Variants in NCAM2 observed in about 807,000 individuals in gnomAD.
The protein encoded by NCAM2 is N-CAM-2.
NCAM2 carries 30 observed loss-of-function variants against 98.1 expected under a neutral mutation model. The ratio of observed to expected loss-of-function variants is 0.31; its 90% CI spans 0.23 to 0.41. The LOEUF is 0.41. NCAM2 is among the 10% of genes least tolerant of loss of function. The probability of loss-of-function intolerance (pLI) is 1.00; values close to 1 mark genes in which losing one functional copy is unlikely to be tolerated. For missense variants in NCAM2, 867 were observed against 1,005.8 expected (o/e 0.86, Z 1.87); for synonymous variants, 368 against 342.4 (o/e 1.07, Z -0.83).
intron 12 of NCAM2, among the ~76,000 whole-genome samples, chr21:21,435,778 A>G (rs1978308892): frequency 6.6e-6 from 1 of 152,086 alleles, no homozygotes; most frequent in East Asian, 1.9e-4. Flanking sequence ...GTGTAATGGG[A>G]TTTATTTATT....
At chr21:21,473,161 G>A (rs1984675399) in intron 14 of NCAM2, among the ~76,000 whole-genome samples, 1 of 151,098 alleles carries the variant, frequency 6.6e-6, no homozygotes, top group Non-Finnish European at 1.5e-5. Flanking sequence ...AGACTTTTGT[G>A]CCTCTACCCA....
chr21:21,360,892 A>C (rs889646341), intron 8 of NCAM2, among the ~76,000 whole-genome samples: 7 of 152,086 alleles, frequency 4.6e-5, no homozygotes, highest in African/African-American at 1.7e-4. Context: ...TTCTTGGTTC[A>C]TTTTCTTGAC....
chr21:21,167,994 A>G (rs978265129), intron 1 of NCAM2, among the ~76,000 whole-genome samples: 8 of 152,116 alleles, frequency 5.3e-5, no homozygotes, highest in African/African-American at 1.9e-4. Context: ...TTACATGAAG[A>G]TATTATAAGA....
intron 1 of NCAM2, among the ~76,000 whole-genome samples, chr21:21,198,818 A>G (rs2069104386): frequency 6.6e-6 from 1 of 152,172 alleles, no homozygotes; most frequent in South Asian, 2.1e-4. Flanking sequence ...AGATTTCTGA[A>G]TGAATATAAA....
intron 1 of NCAM2, among the ~76,000 whole-genome samples, chr21:21,079,842 T>C (rs2065755213): frequency 6.6e-6 from 1 of 152,224 alleles, no homozygotes; most frequent in African/African-American, 2.4e-5. Flanking sequence ...CTGTCACATT[T>C]TTCAAATACT....
At chr21:21,051,394 A>G (rs1485220639) in intron 1 of NCAM2, among the ~76,000 whole-genome samples, 2 of 152,188 alleles carry the variant, frequency 1.3e-5, no homozygotes, top group Admixed American at 1.3e-4. Context: ...TTCAAGCTAA[A>G]CCAGCTCAGT....
At chr21:21,049,797 G>A (rs1267070568) in intron 1 of NCAM2, among the ~76,000 whole-genome samples, 1 of 151,988 alleles carries the variant, frequency 6.6e-6, no homozygotes, top group Non-Finnish European at 1.5e-5. Context: ...CTTGAACCTG[G>A]GAGGCGGAGG....
At chr21:21,204,238 T>A (rs2069349134) in intron 1 of NCAM2, among the ~76,000 whole-genome samples, 1 of 152,154 alleles carries the variant, frequency 6.6e-6, no homozygotes, top group Non-Finnish European at 1.5e-5. Flanking sequence ...CTACTGCTGC[T>A]GCCATCTTGG....
intron 1 of NCAM2, among the ~76,000 whole-genome samples, chr21:21,072,616 A>G (rs1484900826): frequency 6.6e-6 from 1 of 152,156 alleles, no homozygotes; most frequent in African/African-American, 2.4e-5. Flanking sequence ...ATGGATCTGA[A>G]AACGTTTCAT....
At chr21:21,307,137 TA>T (rs2073906384) in intron 5 of NCAM2, among the ~76,000 whole-genome samples, 1 of 152,182 alleles carries the variant, frequency 6.6e-6, no homozygotes, top group Admixed American at 6.6e-5. Context: ...ATTACTGATG[TA>T]ATTGGGTTTA....
chr21:21,150,491 C>A (rs2146704330), intron 1 of NCAM2, among the ~76,000 whole-genome samples: 1 of 152,024 alleles, frequency 6.6e-6, no homozygotes, highest in South Asian at 2.1e-4. Flanking sequence ...AAAAGAGATT[C>A]TTGATCAGAT....
At chr21:21,226,040 G>A (rs562656745) in intron 1 of NCAM2, among the ~76,000 whole-genome samples, 2 of 152,136 alleles carry the variant, frequency 1.3e-5, no homozygotes, top group South Asian at 4.1e-4. Flanking sequence ...ATTTTCGTAA[G>A]CAAATTAACG....
intron 8 of NCAM2, among the ~76,000 whole-genome samples, chr21:21,346,167 A>C (rs1047037010): frequency 1.0e-4 from 15 of 150,004 alleles, no homozygotes; most frequent in Admixed American, 1.3e-4. Flanking sequence ...ATCTATAAAG[A>C]CTCACATAGA....
intron 16 of NCAM2, 85 bp downstream of exon 16, chr21:21,509,140 A>G: frequency 7.5e-7 from 1 of 1,327,080 alleles, no homozygotes; most frequent in Admixed American, 1.8e-5. Flanking sequence ...GTTGTAGGGT[A>G]AAGGAGTAGG....
chr21:21,022,729 G>GT (rs1412139760), intron 1 of NCAM2, among the ~76,000 whole-genome samples: 3 of 151,924 alleles, frequency 2.0e-5, no homozygotes, highest in African/African-American at 4.8e-5. Flanking sequence ...ATAATAATGA[G>GT]TTTTTTTAAT....
At chr21:21,417,914 C>A (rs1164630895) in intron 10 of NCAM2, among the ~76,000 whole-genome samples, 1 of 151,958 alleles carries the variant, frequency 6.6e-6, no homozygotes, top group Non-Finnish European at 1.5e-5. Flanking sequence ...CTTCCTCCTT[C>A]GTTAGTATTA....
intron 1 of NCAM2, among the ~76,000 whole-genome samples, chr21:21,182,452 A>G (rs1000949364): frequency 3.9e-5 from 6 of 152,192 alleles, no homozygotes; most frequent in African/African-American, 9.6e-5. Context: ...GTGTTTTCAG[A>G]TGAAATGAAT....
intron 1 of NCAM2, among the ~76,000 whole-genome samples, chr21:21,124,809 C>G (rs2066752775): frequency 6.6e-6 from 1 of 152,118 alleles, no homozygotes; most frequent in Non-Finnish European, 1.5e-5. Context: ...TATGAAGAGT[C>G]TCAATGAGAC....
chr21:21,354,726 G>T (rs1268452556), intron 8 of NCAM2, among the ~76,000 whole-genome samples: 3 of 152,044 alleles, frequency 2.0e-5, no homozygotes, highest in Admixed American at 6.6e-5. Context: ...CCTGTTTGTG[G>T]GTCCATGCAC....
Sources: allele counts gnomAD v4.1 joint callset (sites outside exome capture counted in the v4.1 genomes callset), GRCh38; gene constraint gnomAD v4.1.1; transcripts MANE v1.5; gene names NCBI Gene and HGNC (gene_info 2026-07-23, HGNC 2026-07-21).